FBXL17: variants seen among roughly 807,000 people sequenced by gnomAD.
FBXL17 encodes F-box/LRR-repeat protein 17.
In FBXL17, 22 loss-of-function variants were observed where a neutral mutation model predicts 66.2. That is an observed-to-expected ratio of 0.33 (90% CI 0.24 to 0.47). The LOEUF (loss-of-function observed/expected upper bound fraction) is 0.47. Among genes scored for constraint, FBXL17 ranks in the 20% least tolerant of loss-of-function variants. The probability of loss-of-function intolerance (pLI) is 1.00; values close to 1 mark genes in which losing one functional copy is unlikely to be tolerated. For synonymous variants in FBXL17, 474 were observed against 400.5 expected, an observed-to-expected ratio of 1.18 and a Z score of -2.19; for missense variants, 878 against 948.2, an observed-to-expected ratio of 0.93 and a Z score of 0.97.
intron 6 of FBXL17, among the ~76,000 whole-genome samples, chr5:108,120,674 A>C (rs1750453035): frequency 6.6e-6 from 1 of 152,096 alleles, no homozygotes; most frequent in African/African-American, 2.4e-5. Flanking sequence ...TCTACAAAAA[A>C]ACATAAAAAT....
intron 4 of FBXL17, among the ~76,000 whole-genome samples, chr5:108,261,698 G>A (rs1461545594): frequency 6.6e-6 from 1 of 151,906 alleles, no homozygotes; most frequent in Non-Finnish European, 1.5e-5. Flanking sequence ...ATACAGGATA[G>A]AAGGGTTACC....
intron 4 of FBXL17, among the ~76,000 whole-genome samples, chr5:108,286,939 C>A (rs1757923060): frequency 1.3e-5 from 2 of 151,700 alleles, no homozygotes; most frequent in South Asian, 4.2e-4. Flanking sequence ...GACACACAGA[C>A]AAATGGAACA....
chr5:108,195,288 A>G (rs1753635116), intron 5 of FBXL17, among the ~76,000 whole-genome samples: 1 of 152,174 alleles, frequency 6.6e-6, no homozygotes, highest in Non-Finnish European at 1.5e-5. Flanking sequence ...ACAGGCAGTC[A>G]AGGATGATCT....
chr5:108,086,742 G>A (rs1748986360), intron 6 of FBXL17, among the ~76,000 whole-genome samples: 1 of 152,088 alleles, frequency 6.6e-6, no homozygotes, highest in South Asian at 2.1e-4. Context: ...TGTATTTTTA[G>A]TAGAGTAGGG....
At chr5:108,058,674 G>A (rs997797189) in intron 6 of FBXL17, among the ~76,000 whole-genome samples, 18 of 152,102 alleles carry the variant, frequency 1.2e-4, no homozygotes, top group African/African-American at 3.4e-4. Flanking sequence ...TAGTAAAGAC[G>A]GAGTTTCAGA....
rs1031728355 is a variant in FBXL17, at chr5:108,352,033, C to T, written c.1375-3503G>A. The stretch of plus-strand genomic sequence containing the variant: ...CTTTTCATACAGGCCACGTGGATAA[C>T]CACACAAAGATGAGAACCATGTGGA... On this transcript the variant is annotated intron_variant, in intron 3 of 8. Transcript: ENST00000542267. 2.0e-5 allele frequency among the ~76,000 whole-genome samples: 3 copies of T among 152,312 alleles called. No individual in the cohort carries two copies. The East Asian group carries it at 5.8e-4, about 29-fold the overall frequency.
intron 6 of FBXL17, among the ~76,000 whole-genome samples, chr5:108,099,986 T>C (rs924524927): frequency 4.9e-4 from 74 of 152,306 alleles, no homozygotes; most frequent in African/African-American, 1.7e-3. Context: ...TATTCCAATA[T>C]AGTAATGTTT....
At chr5:108,071,581 TTCC>T (rs1748333840) in intron 6 of FBXL17, among the ~76,000 whole-genome samples, 1 of 151,662 alleles carries the variant, frequency 6.6e-6, no homozygotes, top group African/African-American at 2.4e-5. Flanking sequence ...TCTCCTCCTG[TTCC>T]TCCTCGTCTT....
chr5:108,062,753 G>T (rs373337526), intron 6 of FBXL17, among the ~76,000 whole-genome samples: 1 of 151,322 alleles, frequency 6.6e-6, no homozygotes, highest in Non-Finnish European at 1.5e-5. Context: ...CTGTCTTTTC[G>T]ACATATAATC....
At chr5:107,935,407 A>ATGTGTG (rs1180619112) in intron 7 of FBXL17, among the ~76,000 whole-genome samples, 45 of 31,178 alleles carry the variant, frequency 1.4e-3, no homozygotes, top group African/African-American at 6.4e-3. Context: ...CTTTATATAT[A>ATGTGTG]TATATGTGTG....
At position 108,025,504 on chromosome 5, in the gene FBXL17, T is replaced by C. The variant is rs139957150; in HGVS notation, c.1746-4503A>G. On this transcript the variant is annotated intron_variant, in intron 6 of 8. Transcript: ENST00000542267. ...CATCTGGGAGCTAGGTATGTTTAGG[T>C]TGAATAAACGTGTGGATCAAACCTC... is the stretch of plus-strand genomic sequence containing the variant. Among the ~76,000 whole-genome samples the C allele has an allele frequency of 1.0e-3, 154 of 152,126 alleles. 1 individual carries two copies. The highest frequency in any genetic ancestry group is 3.7e-3 in the African/African-American group (153 of 41,470).
chr5:108,060,990 C>CA (rs1364734657), intron 6 of FBXL17, among the ~76,000 whole-genome samples: 1 of 151,764 alleles, frequency 6.6e-6, no homozygotes, highest in African/African-American at 2.4e-5. Context: ...TTTTTTAATT[C>CA]AAAAAAATTT....
chr5:108,153,858 C>T (rs952409300), intron 6 of FBXL17, among the ~76,000 whole-genome samples: 11 of 152,100 alleles, frequency 7.2e-5, no homozygotes, highest in African/African-American at 2.7e-4. Flanking sequence ...TTTAAAACAT[C>T]CAAAATGCTC....
intron 7 of FBXL17, among the ~76,000 whole-genome samples, chr5:108,010,952 A>G (rs1163829890): frequency 6.6e-6 from 1 of 152,202 alleles, no homozygotes; most frequent in Non-Finnish European, 1.5e-5. Flanking sequence ...TGGAAAGCTG[A>G]TATTTATCTA....
chr5:108,381,171 G>C lies in FBXL17; in HGVS notation c.521C>G (p.Ala174Gly). ...CGGCCCCCGGAAGAGCTGCACGGCG[G>C]CGGGCGGCCCCAGGAAGCGCACCGG... ...LGPVRFLGPP[A>G]AVQLFRGPTP... Residue 174 changes from alanine to glycine, a missense_variant, in exon 1 of 9, where the codon GCC (alanine) becomes GGC (glycine). Coordinates refer to ENST00000542267, the MANE Select transcript of FBXL17 (RefSeq NM_001163315.3). The C allele has an allele frequency of 7.0e-7, 1 of 1,429,214 alleles. No homozygotes were observed. 88.5% of individuals were successfully genotyped at this position (1,429,214 alleles called of 1,614,324 possible).
chr5:108,258,973 A>G lies in FBXL17; in HGVS notation c.1507-34745T>C, dbSNP rs539042199. Among the ~76,000 whole-genome samples, 14 of 152,226 alleles carry G rather than the reference A, an allele frequency of 9.2e-5. No homozygotes were observed. The East Asian group carries it at 2.7e-3, about 29-fold the overall frequency. On this transcript the variant is annotated intron_variant, in intron 4 of 8. Coordinates refer to ENST00000542267, the MANE Select transcript of FBXL17 (RefSeq NM_001163315.3). ...AATATGCTTTATCCAGGGCCCTCAT[A>G]TTTCCAAGGCAGTCTATAGATCATA...
intron 6 of FBXL17, among the ~76,000 whole-genome samples, chr5:108,154,236 C>T (rs1371223601): frequency 6.5e-5 from 9 of 138,264 alleles, no homozygotes; most frequent in African/African-American, 1.9e-4. Context: ...AACAGAGACA[C>T]GTAAATTCAG....
intron 4 of FBXL17, among the ~76,000 whole-genome samples, chr5:108,279,899 T>C (rs1227843461): frequency 6.6e-6 from 1 of 151,948 alleles, no homozygotes; most frequent in African/African-American, 2.4e-5. Context: ...GACAACTCTT[T>C]TGAAATAATC....
chr5:108,027,410 A>C lies in FBXL17; in HGVS notation c.1746-6409T>G, dbSNP rs146739779. ...TTTAATTTTAGCCATTGATCCATCC[A>C]TTACCATAACTAACTAAACCTTACA... On this transcript the variant is annotated intron_variant, in intron 6 of 8. Coordinates refer to ENST00000542267, the MANE Select transcript of FBXL17 (RefSeq NM_001163315.3). 6.4e-3 allele frequency among the ~76,000 whole-genome samples: 968 copies of C among 152,286 alleles called. 11 individuals carry two copies. Among genetic ancestry groups the C allele is most frequent in the African/African-American group, 0.023 (937 of 41,578 alleles).
Sources: allele counts gnomAD v4.1 joint callset (sites outside exome capture counted in the v4.1 genomes callset), GRCh38; gene constraint gnomAD v4.1.1; transcripts MANE v1.5; gene names NCBI Gene and HGNC (gene_info 2026-07-23, HGNC 2026-07-21).